MYO5B: variants seen among roughly 807,000 people sequenced by gnomAD.
MYO5B encodes unconventional myosin-Vb.
MYO5B carries 143 observed loss-of-function variants against 229.3 expected under a neutral mutation model. The ratio of observed to expected loss-of-function variants is 0.62; its 90% CI spans 0.54 to 0.72. The LOEUF (loss-of-function observed/expected upper bound fraction) is 0.72, where lower values mean the gene tolerates loss of function less well. Ranked by LOEUF, MYO5B falls within the 30% of genes least tolerant of loss-of-function variation. MYO5B has a pLI of 0.00. For missense variants in MYO5B, 2,321 were observed against 2,331.0 expected (o/e 1.00, Z 0.09); for synonymous variants, 918 against 885.2 (o/e 1.04, Z -0.66).
At chr18:49,865,964 C>A (rs529758515) in intron 27 of MYO5B, among the ~76,000 whole-genome samples, 9 of 152,234 alleles carry the variant, frequency 5.9e-5, no homozygotes, top group Non-Finnish European at 1.2e-4. Flanking sequence ...TCTCCTCCCC[C>A]ACAGGTTCAC....
intron 31 of MYO5B, chr18:49,850,174 A>C: frequency 4.7e-6 from 1 of 213,742 alleles, no homozygotes; most frequent in South Asian, 8.3e-5. Flanking sequence ...CCATCAGCCC[A>C]CTGAGACCTA....
chr18:49,867,696 C>T (rs541992006), intron 27 of MYO5B, among the ~76,000 whole-genome samples: 22 of 152,204 alleles, frequency 1.4e-4, no homozygotes, highest in African/African-American at 4.6e-4. Context: ...CCACTGGAGG[C>T]GGCACAATTT....
chr18:50,045,796 C>T (rs2030208167), intron 2 of MYO5B, among the ~76,000 whole-genome samples: 1 of 152,352 alleles, frequency 6.6e-6, no homozygotes, highest in East Asian at 1.9e-4. Context: ...CATTCCACCA[C>T]AGCCAATGTT....
chr18:50,116,349 T>G (rs2031962390), intron 1 of MYO5B, among the ~76,000 whole-genome samples: 1 of 152,092 alleles, frequency 6.6e-6, no homozygotes. Flanking sequence ...GTAGAAGAAC[T>G]TCACTGTTAC....
chr18:49,911,203 T>C (rs1428910909), intron 18 of MYO5B, among the ~76,000 whole-genome samples: 2 of 152,208 alleles, frequency 1.3e-5, no homozygotes, highest in African/African-American at 2.4e-5. Context: ...AGATGGGCCG[T>C]GCTATGTAGC....
intron 1 of MYO5B, among the ~76,000 whole-genome samples, chr18:50,165,071 A>G (rs1376266110): frequency 6.6e-6 from 1 of 152,224 alleles, no homozygotes; most frequent in East Asian, 1.9e-4. Context: ...GCTGGGGGAA[A>G]ATCAACAGAG....
rs71169476 is a variant in MYO5B at position 50,077,168 on chromosome 18, TAAAA to T, written c.28-21794_28-21791del. On this transcript the variant is annotated intron_variant, in intron 1 of 39. Transcript: ENST00000285039. ...TTAGGGTTAATTTATTGTGGCAAAG[TAAAA>T]AAAAAAAAAAAAAAAAAAAAAGACA... Among the ~76,000 whole-genome samples, 530 of 81,224 alleles carry T rather than the reference TAAAA, an allele frequency of 6.5e-3. 7 individuals carry two copies. The highest frequency in any genetic ancestry group is 0.012 in the African/African-American group (271 of 22,252). 53.3% of individuals were successfully genotyped at this position (81,224 alleles called of 152,430 possible). A position where few individuals can be genotyped will look rare whatever the true frequency, so the allele number is the denominator to read the frequency against.
chr18:50,060,979 T>C (rs2721079), intron 1 of MYO5B, among the ~76,000 whole-genome samples: 148,976 of 152,312 alleles, frequency 0.98, 72,944 homozygotes, highest in East Asian at 1. Context: ...ATCACAGACC[T>C]TCATGTGCTG....
intron 1 of MYO5B, among the ~76,000 whole-genome samples, chr18:50,191,709 T>C (rs767230477): frequency 4.6e-5 from 7 of 152,198 alleles, no homozygotes; most frequent in African/African-American, 7.2e-5. Context: ...TCATGGAAAA[T>C]GCATATCATG....
intron 30 of MYO5B, among the ~76,000 whole-genome samples, chr18:49,856,294 GC>G (rs1231886489): frequency 2.6e-5 from 4 of 152,224 alleles, no homozygotes; most frequent in Non-Finnish European, 5.9e-5. Context: ...GCACTTGGCT[GC>G]CATCAGCTCC....
Position 49,980,517 on chromosome 18 carries a change from A to G in MYO5B, c.983T>C (p.Ile328Thr). The change falls in exon 9 of 40, where the codon ATA becomes ACA. Residue 328 changes from isoleucine (I) to threonine (T), a missense_variant. Physicochemically the swap from Ile to Thr is moderately conservative, Grantham distance 89 (BLOSUM62 -1). Transcript: ENST00000285039. ...TCCAAGGTGCAAGATAGAAGCAATTATCTTAAAAATGCTCATCTGATGGGA... is the reference window on the plus strand; with the variant it reads ...TCCAAGGTGCAAGATAGAAGCAATTGTCTTAAAAATGCTCATCTGATGGGA... ...KESHQMSIFK[I>T]IASILHLGSV... 1 of 1,613,912 alleles carries G rather than the reference A, an allele frequency of 6.2e-7. No individual in the cohort carries two copies. The highest frequency in any genetic ancestry group is 8.5e-7 in the Non-Finnish European group (1 of 1,179,794).
At chr18:49,987,620 G>C (rs1378089196) in intron 7 of MYO5B, among the ~76,000 whole-genome samples, 1 of 152,240 alleles carries the variant, frequency 6.6e-6, no homozygotes, top group Admixed American at 6.5e-5. Flanking sequence ...TTAGAGCACC[G>C]GACCACCAAG....
chr18:50,000,284 T>C (rs1447831120), intron 5 of MYO5B, among the ~76,000 whole-genome samples: 3 of 152,208 alleles, frequency 2.0e-5, no homozygotes, highest in Non-Finnish European at 2.9e-5. Flanking sequence ...GGAAACCTGA[T>C]GCTATCTTGG....
At chr18:49,953,211 A>G in intron 14 of MYO5B, 49 bp downstream of exon 14, 1 of 1,556,010 alleles carries the variant, frequency 6.4e-7, no homozygotes, top group Non-Finnish European at 8.9e-7. Context: ...CCTGTCCAGC[A>G]CTGGCCGTGG....
At chr18:49,927,067 G>C (rs1174013636) in intron 17 of MYO5B, among the ~76,000 whole-genome samples, 1 of 152,176 alleles carries the variant, frequency 6.6e-6, no homozygotes, top group Non-Finnish European at 1.5e-5. Context: ...AAGATGAAAA[G>C]AGTTCTAGAG....
intron 2 of MYO5B, among the ~76,000 whole-genome samples, chr18:50,043,282 A>G (rs925981201): frequency 1.9e-5 from 2 of 106,320 alleles, no homozygotes; most frequent in Admixed American, 1.2e-4. Flanking sequence ...ATATATTTAT[A>G]TTTATATATT....
intron 1 of MYO5B, among the ~76,000 whole-genome samples, chr18:50,062,645 C>T (rs1568091601): frequency 1.3e-5 from 2 of 152,312 alleles, no homozygotes; most frequent in Admixed American, 1.3e-4. Flanking sequence ...CCCAGTAGAA[C>T]TCACAATCAT....
rs374628944 is a variant in MYO5B at position 50,045,511 on chromosome 18, G to A, written c.139-5197C>T. On this transcript the variant is annotated intron_variant, in intron 2 of 39. Transcript: ENST00000285039. Reference sequence around the variant, plus strand: ...TGAGCTCAAGTGATCCTCCTGCCTCGGCCTCCCAAGTAGCTCGGACTACAG... The same window carrying A: ...TGAGCTCAAGTGATCCTCCTGCCTCAGCCTCCCAAGTAGCTCGGACTACAG... Among the ~76,000 whole-genome samples, 18 of 152,046 alleles carry A rather than the reference G, an allele frequency of 1.2e-4. No individual in the cohort carries two copies. The South Asian group carries it at 2.1e-3, about 18-fold the overall frequency.
chr18:50,039,544 G>A (rs2029942140), intron 3 of MYO5B, among the ~76,000 whole-genome samples: 1 of 152,070 alleles, frequency 6.6e-6, no homozygotes, highest in African/African-American at 2.4e-5. Flanking sequence ...TGTTAGTGAG[G>A]ATGGTCTCAA....
Sources: gnomAD v4.1 joint callset for allele counts (sites outside exome capture counted in the v4.1 genomes callset) on GRCh38, gnomAD v4.1.1 for gene constraint, MANE v1.5 for transcripts, NCBI Gene and HGNC (gene_info 2026-07-23, HGNC 2026-07-21) for gene names.